The following TRPM2 variants were observed in gnomAD, a reference collection of about 807,000 sequenced individuals.
TRPM2 encodes the protein estrogen-responsive element-associated gene 1 protein.
TRPM2 carries 161 observed loss-of-function variants against 174.0 expected under a neutral mutation model. That is an observed-to-expected ratio of 0.93 (90% CI 0.81 to 1.05). The LOEUF is 1.05. Among genes scored for constraint, TRPM2 ranks in the 50% least tolerant of loss-of-function variants. The pLI, the probability that TRPM2 is intolerant of heterozygous loss-of-function variation, is 0.00. For synonymous variants in TRPM2, 954 were observed against 861.3 expected (o/e 1.11, Z -1.88); for missense variants, 2,057 against 2,038.0 (o/e 1.01, Z -0.18).
upstream of TRPM2, chr21:44,350,476 T>TGGGGTGCA (rs1227994504): frequency 2.3e-5 from 1 of 43,878 alleles, no homozygotes; most frequent in Non-Finnish European, 4.6e-5. Flanking sequence ...AGGGGCGCGG[T>TGGGGTGCA]GGGGTGCAGG....
At chr21:44,389,903 C>T (rs867422042) in intron 9 of TRPM2, among the ~76,000 whole-genome samples, 42 of 142,440 alleles carry the variant, frequency 2.9e-4, no homozygotes, top group Middle Eastern at 3.9e-3. Context: ...GATGGAGTCT[C>T]GCTCTGTTGC....
At chr21:44,384,812 A>T (rs2048975168) in intron 9 of TRPM2, among the ~76,000 whole-genome samples, 1 of 152,238 alleles carries the variant, frequency 6.6e-6, no homozygotes, top group Non-Finnish European at 1.5e-5. Flanking sequence ...GTAATAAAAA[A>T]TCTCCCCATA....
At chr21:44,362,930 T>G (rs1332635332) in intron 2 of TRPM2, among the ~76,000 whole-genome samples, 1 of 152,104 alleles carries the variant, frequency 6.6e-6, no homozygotes, top group African/African-American at 2.4e-5. Flanking sequence ...GCTGCCACCA[T>G]GCCCAGCTGA....
intron 9 of TRPM2, among the ~76,000 whole-genome samples, chr21:44,386,584 G>A (rs369098060): frequency 1.1e-4 from 17 of 152,208 alleles, no homozygotes; most frequent in Admixed American, 1.0e-3. Context: ...ATTGCTGAAA[G>A]AAATGAAAGA....
intron 22 of TRPM2, among the ~76,000 whole-genome samples, chr21:44,418,805 C>G (rs907761130): frequency 6.6e-6 from 1 of 152,154 alleles, no homozygotes; most frequent in Admixed American, 6.5e-5. Context: ...GGGAGGGAAG[C>G]CTTGGCGGCT....
rs569388614 is a variant in TRPM2, at chr21:44,439,298, G to A, written c.4269+130G>A. 6 of 772,000 alleles carry A rather than the reference G, an allele frequency of 7.8e-6. No homozygotes were observed. Among genetic ancestry groups the A allele is most frequent in the South Asian group, 4.9e-5 (3 of 61,472 alleles). The allele number at this position is 772,000 out of a possible 1,614,324, so 47.8% of individuals were successfully genotyped here. ...GTCCCACCCAGCTTCACCAGGTGACGGTGGTCCCAGCCCCTGCCCCCACGT... is the reference window on the plus strand; with the variant it reads ...GTCCCACCCAGCTTCACCAGGTGACAGTGGTCCCAGCCCCTGCCCCCACGT... On this transcript the variant is annotated intron_variant, in intron 30 of 31. Coordinates refer to ENST00000397928, the MANE Select transcript of TRPM2 (RefSeq NM_003307.4). The surrounding 1 kb of genome is among the most constrained non-coding windows in gnomAD (Gnocchi z 5.1).
intron 9 of TRPM2, among the ~76,000 whole-genome samples, chr21:44,388,847 A>G (rs2049091232): frequency 6.6e-6 from 1 of 152,176 alleles, no homozygotes; most frequent in African/African-American, 2.4e-5. Context: ...AAACAAAAAC[A>G]AAAACAACCC....
At chr21:44,388,825 A>G (rs1437487317) in intron 9 of TRPM2, among the ~76,000 whole-genome samples, 1 of 152,122 alleles carries the variant, frequency 6.6e-6, no homozygotes, top group African/African-American at 2.4e-5. Context: ...ACAGAGGAAG[A>G]CCCTGTCTCA....
rs939515352 is a variant in TRPM2, at chr21:44,439,334, C to T, written c.4269+166C>T. On this transcript the variant is annotated intron_variant, in intron 30 of 31. Coordinates refer to ENST00000397928, the MANE Select transcript of TRPM2 (RefSeq NM_003307.4). The surrounding 1 kb of genome is among the most constrained non-coding windows in gnomAD (Gnocchi z 5.1). ...CCCCTGCCCCCACGTTGCACAGCTC[C>T]CAGAGGACCCGGAAGCATAGCTGTG... Among the ~76,000 whole-genome samples, 1 of 152,108 alleles carries T rather than the reference C, an allele frequency of 6.6e-6. No individual in the cohort carries two copies. Among genetic ancestry groups the T allele is most frequent in the African/African-American group, 2.4e-5 (1 of 41,406 alleles).
At chr21:44,440,424 C>T (rs1057334959) in intron 30 of TRPM2, among the ~76,000 whole-genome samples, 6 of 152,150 alleles carry the variant, frequency 3.9e-5, no homozygotes, top group African/African-American at 9.7e-5. Context: ...TCACCCCCAG[C>T]TCCTCCCCAG....
Position 44,354,786 on chromosome 21 carries a change from C to A in TRPM2, c.254+50C>A, listed in dbSNP as rs780326525. On this transcript the variant is annotated intron_variant, in intron 2 of 31. Coordinates refer to ENST00000397928, the MANE Select transcript of TRPM2 (RefSeq NM_003307.4). This position sits in a 1 kb window ranked among gnomAD's most constrained non-coding sequence, Gnocchi z 4.3. ...GACCTCTGACTTCTTCCTTCCGATC[C>A]CACATGGAGTAGCTGATCAGGCCAA... 1.3e-6 allele frequency: 2 copies of A among 1,558,610 alleles called. No individual in the cohort carries two copies. The highest frequency in any genetic ancestry group is 1.7e-5 in the Admixed American group (1 of 59,936).
chr21:44,404,214 C>T (rs1300725842), intron 16 of TRPM2, among the ~76,000 whole-genome samples: 1 of 151,700 alleles, frequency 6.6e-6, no homozygotes. Flanking sequence ...TACACAGAGA[C>T]ACACAGATAC....
At position 44,419,231 on chromosome 21, in the gene TRPM2, G is replaced by A. The variant is rs1383136000; in HGVS notation, c.3461+676G>A. ...GACACGGTGCCACCTAGTTATGGCC[G>A]TGTGGAGGCTCCTGCAGCCACAAAC... On this transcript the variant is annotated intron_variant, in intron 22 of 31. Coordinates refer to ENST00000397928, the MANE Select transcript of TRPM2 (RefSeq NM_003307.4). Among the ~76,000 whole-genome samples, 6 of 152,280 alleles carry A rather than the reference G, an allele frequency of 3.9e-5. No homozygotes were observed. The South Asian group carries it at 8.3e-4, about 21-fold the overall frequency.
chr21:44,392,548 G>C (rs560441509), intron 11 of TRPM2, among the ~76,000 whole-genome samples: 2 of 151,902 alleles, frequency 1.3e-5, no homozygotes, highest in South Asian at 4.2e-4. Context: ...TTGCAAGTGT[G>C]AGCCTCCGCA....
rs1464144161 is a variant in TRPM2 at position 44,440,641 on chromosome 21, G to A, written c.4270-148G>A. The A allele has an allele frequency of 5.6e-6, 4 of 710,074 alleles. No homozygotes were observed. The South Asian group carries it at 6.3e-5, about 11-fold the overall frequency. 44.0% of individuals were successfully genotyped at this position (710,074 alleles called of 1,614,324 possible). ...TGCTCCGCCTTGCAGGCCCAGGCAG[G>A]CTGGCGGGGGCTGGGGAGAGCTGGG... On this transcript the variant is annotated intron_variant, in intron 30 of 31. Coordinates refer to ENST00000397928, the MANE Select transcript of TRPM2 (RefSeq NM_003307.4).
intron 22 of TRPM2, among the ~76,000 whole-genome samples, chr21:44,418,856 C>A (rs994131700): frequency 6.6e-6 from 1 of 152,198 alleles, no homozygotes; most frequent in Non-Finnish European, 1.5e-5. Context: ...GGCTTGGAGG[C>A]CTGGGGGCAT....
At chr21:44,427,380 T>C (rs1308759152) in intron 27 of TRPM2, among the ~76,000 whole-genome samples, 1 of 151,820 alleles carries the variant, frequency 6.6e-6, no homozygotes, top group Non-Finnish European at 1.5e-5. Context: ...TCTGTGTACG[T>C]GGGGATGGCT....
At chr21:44,355,791 A>T (rs569306606) in intron 2 of TRPM2, among the ~76,000 whole-genome samples, 1 of 151,730 alleles carries the variant, frequency 6.6e-6, no homozygotes, top group Non-Finnish European at 1.5e-5. Flanking sequence ...TACTCGGTAC[A>T]TCATCAGAGT....
chr21:44,404,090 TACAC>T (rs962291914), intron 16 of TRPM2, among the ~76,000 whole-genome samples: 18 of 151,624 alleles, frequency 1.2e-4, no homozygotes, highest in Admixed American at 3.3e-4. Flanking sequence ...TGTACACACA[TACAC>T]ACACATATAT....
Sources: allele counts gnomAD v4.1 joint callset (sites outside exome capture counted in the v4.1 genomes callset), GRCh38; gene constraint gnomAD v4.1.1; non-coding constraint Gnocchi (gnomAD v3.1); transcripts MANE v1.5; gene names NCBI Gene and HGNC (gene_info 2026-07-23, HGNC 2026-07-21).